The following GPBP1L1 variants were observed in gnomAD, a reference collection of about 807,000 sequenced individuals.
GPBP1L1 encodes the protein GC-rich promoter binding protein 1 like 1, also known as vasculin-like protein 1.
In GPBP1L1, 23 loss-of-function variants were observed where a neutral mutation model predicts 52.5. The observed-to-expected ratio is 0.44, with a 90% CI of 0.32 to 0.62. The LOEUF (loss-of-function observed/expected upper bound fraction) is 0.62. Ranked by LOEUF, GPBP1L1 falls within the 20% of genes least tolerant of loss-of-function variation. GPBP1L1 has a pLI of 0.06. For synonymous variants in GPBP1L1, 243 were observed against 203.1 expected, an observed-to-expected ratio of 1.20 and a Z score of -1.67; for missense variants, 596 against 579.3, an observed-to-expected ratio of 1.03 and a Z score of -0.30.
At chr1:45,675,295 C>CA (rs1421407250) in intron 2 of GPBP1L1, among the ~76,000 whole-genome samples, 4 of 149,764 alleles carry the variant, frequency 2.7e-5, no homozygotes, top group South Asian at 2.1e-4. Context: ...GACTCTGTCT[C>CA]AAAAAAAATA....
chr1:45,670,340 A>G (rs1327872625), intron 2 of GPBP1L1, among the ~76,000 whole-genome samples: 1 of 152,280 alleles, frequency 6.6e-6, no homozygotes, highest in East Asian at 1.9e-4. Context: ...AATAAATCAG[A>G]TACGAATCCT....
chr1:45,633,674 T>A (rs778802905), intron 9 of GPBP1L1, 27 bp from the exon 10 acceptor site: 1 of 1,609,770 alleles, frequency 6.2e-7, no homozygotes, highest in East Asian at 2.2e-5. Flanking sequence ...AACAGGTTGC[T>A]CCTGACAGCA....
At chr1:45,631,738 T>C (rs528488314) in intron 10 of GPBP1L1, among the ~76,000 whole-genome samples, 99 of 152,250 alleles carry the variant, frequency 6.5e-4, no homozygotes, top group African/African-American at 1.8e-3. Context: ...CTGAGCAACA[T>C]AGCAAGAAGC....
chr1:45,640,962 C>G (rs1349069961), intron 7 of GPBP1L1, among the ~76,000 whole-genome samples: 1 of 152,060 alleles, frequency 6.6e-6, no homozygotes, highest in African/African-American at 2.4e-5. Flanking sequence ...CTGCAGCGAG[C>G]CATGACTGTG....
chr1:45,674,977 G>C (rs776055457), intron 2 of GPBP1L1, among the ~76,000 whole-genome samples: 1 of 151,994 alleles, frequency 6.6e-6, no homozygotes, highest in Non-Finnish European at 1.5e-5. Flanking sequence ...TCCTTTTCTT[G>C]TTTTTCTGTG....
chr1:45,660,224 T>A lies in GPBP1L1; in HGVS notation c.-96A>T. 1.0e-6 allele frequency: 1 copy of A among 985,234 alleles called. No individual in the cohort carries two copies. The highest frequency in any genetic ancestry group is 1.2e-6 in the Non-Finnish European group (1 of 829,880). 61.0% of individuals were successfully genotyped at this position (985,234 alleles called of 1,614,324 possible). On this transcript the variant is annotated 5_prime_UTR_variant, in exon 3 of 13. Coordinates refer to ENST00000355105, the MANE Select transcript of GPBP1L1 (RefSeq NM_021639.5). The stretch of plus-strand genomic sequence containing the variant: ...CTGTGGTCCTGTTTCTGAACTCGAG[T>A]CGGCCAGCTGGATCTCCCACAAGGT...
intron 6 of GPBP1L1, among the ~76,000 whole-genome samples, chr1:45,644,425 A>C (rs1336465049): frequency 6.6e-6 from 1 of 152,238 alleles, no homozygotes; most frequent in African/African-American, 2.4e-5. Flanking sequence ...CAAATGAATA[A>C]GTTAATGGGT....
At position 45,663,050 on chromosome 1, in the gene GPBP1L1, C is replaced by CAAAAAAAAAAAAAAA. The variant is rs66502921; in HGVS notation, c.-1097-1826_-1097-1825insTTTTTTTTTTTTTTT. Among the ~76,000 whole-genome samples the CAAAAAAAAAAAAAAA allele has an allele frequency of 4.7e-4, 55 of 117,174 alleles. 1 individual carries two copies. The highest frequency in any genetic ancestry group is 7.6e-4 in the Non-Finnish European group (44 of 57,902). The allele number at this position is 117,174 out of a possible 152,430, so 76.9% of individuals were successfully genotyped here. On this transcript the variant is annotated intron_variant, in intron 2 of 12. Transcript: ENST00000355105. ...TGGGTGACAGAGCCAGACTCTGTCTCAAAAAAAAAAAAAAGCAAAAAACCC... is the reference window on the plus strand; with the variant it reads ...TGGGTGACAGAGCCAGACTCTGTCTCAAAAAAAAAAAAAAAAAAAAAAAAAAAAAGCAAAAAACCC...
At chr1:45,649,496 G>T (rs1478517151) in intron 6 of GPBP1L1, among the ~76,000 whole-genome samples, 1 of 151,396 alleles carries the variant, frequency 6.6e-6, no homozygotes, top group South Asian at 2.1e-4. Context: ...AAGACTACAG[G>T]CCAGTTATTT....
At chr1:45,638,805 A>G (rs1243005733) in intron 8 of GPBP1L1, among the ~76,000 whole-genome samples, 4 of 152,254 alleles carry the variant, frequency 2.6e-5, no homozygotes, top group Non-Finnish European at 4.4e-5. Flanking sequence ...AAGAAAAGAA[A>G]GAAAATTATT....
chr1:45,679,536 TGTGTGC>T (rs1645186863), intron 2 of GPBP1L1, among the ~76,000 whole-genome samples: 1 of 152,294 alleles, frequency 6.6e-6, no homozygotes, highest in East Asian at 1.9e-4. Flanking sequence ...GGTATGTGTA[TGTGTGC>T]ACCCAACCTT....
intron 6 of GPBP1L1, chr1:45,646,080 A>G: frequency 2.1e-6 from 1 of 466,656 alleles, no homozygotes; most frequent in Non-Finnish European, 4.2e-6. Context: ...CTTCATCATC[A>G]CAGCTAGAAG....
intron 6 of GPBP1L1, chr1:45,651,310 C>G: frequency 2.6e-6 from 1 of 389,580 alleles, no homozygotes; most frequent in Admixed American, 3.4e-5. Context: ...TTTTACGACA[C>G]AGGGCAGGTA....
intron 6 of GPBP1L1, chr1:45,646,048 C>G: frequency 2.0e-6 from 1 of 498,336 alleles, no homozygotes; most frequent in Non-Finnish European, 3.9e-6. Flanking sequence ...TCAATGATTT[C>G]AAATTTGCCA....
chr1:45,628,764 A>G (rs1015195299), intron 12 of GPBP1L1, among the ~76,000 whole-genome samples: 1 of 152,150 alleles, frequency 6.6e-6, no homozygotes, highest in African/African-American at 2.4e-5. Context: ...CCTGGGTTCA[A>G]GCGATTCTCC....
chr1:45,636,732 T>C (rs1644599226), intron 8 of GPBP1L1, among the ~76,000 whole-genome samples: 1 of 152,240 alleles, frequency 6.6e-6, no homozygotes, highest in Non-Finnish European at 1.5e-5. Context: ...AAGAAGAGTT[T>C]AGCAAAATCT....
intron 7 of GPBP1L1, 46 bp downstream of exon 7, chr1:45,642,381 G>T: frequency 1.5e-6 from 2 of 1,333,088 alleles, no homozygotes; most frequent in Non-Finnish European, 2.2e-6. Flanking sequence ...TCCCTGCTAA[G>T]AAAAAATTTT....
At chr1:45,642,560 A>C in intron 6 of GPBP1L1, 61 bp from the exon 7 acceptor site, 1 of 1,250,324 alleles carries the variant, frequency 8.0e-7, no homozygotes, top group Non-Finnish European at 1.2e-6. Context: ...CACTTTTCAC[A>C]AAGTAGCCAT....
At chr1:45,628,646 G>T (rs766736970) in intron 12 of GPBP1L1, among the ~76,000 whole-genome samples, 1 of 152,022 alleles carries the variant, frequency 6.6e-6, no homozygotes, top group Non-Finnish European at 1.5e-5. Context: ...GATGGGGCTT[G>T]AAAGTCCTTA....
Sources: allele counts gnomAD v4.1 joint callset (sites outside exome capture counted in the v4.1 genomes callset), GRCh38; gene constraint gnomAD v4.1.1; transcripts MANE v1.5; gene names NCBI Gene and HGNC (gene_info 2026-07-23, HGNC 2026-07-21).